The following FGD1 variants were observed in gnomAD, a reference collection of about 807,000 sequenced individuals.
The protein encoded by FGD1 is FYVE, RhoGEF and PH domain containing 1, also known as FYVE, RhoGEF and PH domain-containing protein 1.
FGD1 carries 12 observed loss-of-function variants against 65.0 expected under a neutral mutation model. The ratio of observed to expected loss-of-function variants is 0.18; its 90% CI spans 0.12 to 0.30. The LOEUF (loss-of-function observed/expected upper bound fraction) is 0.30. Among genes scored for constraint, FGD1 ranks in the 10% least tolerant of loss-of-function variants. The pLI is 1.00. For synonymous variants in FGD1, 333 were observed against 343.9 expected (o/e 0.97, Z 0.35); for missense variants, 542 against 837.6 (o/e 0.65, Z 4.36).
chrX:54,454,645 TAAAAAAAAAA>T (rs59245505), intron 12 of FGD1, among the ~76,000 whole-genome samples: 1 of 78,958 alleles, frequency 1.3e-5, no homozygotes, highest in African/African-American at 5.0e-5. Context: ...GACTCTGTCT[TAAAAAAAAAA>T]AAAAAAAAAG....
Position 54,470,354 on chromosome X carries a change from G to T in FGD1, c.763C>A (p.Gln255Lys). 1 of 1,209,885 alleles carries T rather than the reference G, an allele frequency of 8.3e-7. No homozygotes were observed. Among genetic ancestry groups the T allele is most frequent in the South Asian group, 1.8e-5 (1 of 56,561 alleles). Reference protein sequence around the residue: ...PQPTSQPPVPQLPEGEASRCL... With the variant: ...PQPTSQPPVPKLPEGEASRCL... The stretch of plus-strand genomic sequence containing the variant: ...CGGGAGGCCTCACCCTCGGGGAGCT[G>T]GGGCACTGGTGGCTGCGAGGTTGGC... The change falls in exon 4 of 18, where the codon CAG (glutamine) becomes AAG (lysine). Residue 255 changes from glutamine to lysine, a missense_variant. Transcript: ENST00000375135.
intron 6 of FGD1, among the ~76,000 whole-genome samples, chrX:54,466,761 T>TG (rs1922768097): frequency 1.8e-5 from 2 of 109,470 alleles, no homozygotes; most frequent in African/African-American, 6.6e-5. Context: ...GTTTGTTTTT[T>TG]TTTTTTTTGA....
chrX:54,446,403 G>C lies in FGD1; in HGVS notation c.2592C>G (p.Ala864=), dbSNP rs901534905. 6.6e-6 allele frequency: 8 copies of C among 1,208,081 alleles called. No individual in the cohort carries two copies. The highest frequency in any genetic ancestry group is 5.9e-5 in the East Asian group (2 of 33,708). Reference sequence around the variant, plus strand: ...AGCCAATGAGGGGCAGGCTGCGCTGGGCTTTCACATCCTGGCGGGAGGAGG... The same window carrying C: ...AGCCAATGAGGGGCAGGCTGCGCTGCGCTTTCACATCCTGGCGGGAGGAGG... ...YIYGAPQDVK[A]QRSLPLIGFE... The change falls in exon 18 of 18, where the codon GCC becomes GCG. Residue 864 remains alanine (A), a synonymous_variant. Coordinates refer to ENST00000375135, the MANE Select transcript of FGD1 (RefSeq NM_004463.3).
At chrX:54,467,480 G>A (rs1198108186) in intron 6 of FGD1, among the ~76,000 whole-genome samples, 3 of 108,747 alleles carry the variant, frequency 2.8e-5, no homozygotes, top group Admixed American at 1.0e-4. Flanking sequence ...TCAGCCTCCC[G>A]AGTAGCTGGG....
intron 4 of FGD1, 94 bp downstream of exon 4, chrX:54,469,918 CTATT>C: frequency 5.1e-6 from 4 of 781,966 alleles, no homozygotes. Context: ...AAACAAGGTC[CTATT>C]TCGAGAAATA....
At chrX:54,471,647 G>T (rs1172650033) in intron 1 of FGD1, among the ~76,000 whole-genome samples, 160 bp from the exon 2 acceptor site, 2 of 111,612 alleles carry the variant, frequency 1.8e-5, no homozygotes, top group Non-Finnish European at 3.8e-5. Context: ...CCCTATCCTA[G>T]CCCTCAGATG....
chrX:54,453,259 C>T (rs982470901), intron 12 of FGD1, among the ~76,000 whole-genome samples: 1 of 111,720 alleles, frequency 9.0e-6, no homozygotes, highest in African/African-American at 3.3e-5. Context: ...CCCCAAGCTT[C>T]AAGACTCACT....
chrX:54,481,005 G>T (rs1923130210), intron 1 of FGD1, among the ~76,000 whole-genome samples: 1 of 111,898 alleles, frequency 8.9e-6, no homozygotes, highest in Admixed American at 9.5e-5. Flanking sequence ...CTGTGGGCAA[G>T]CCAAATGAAA....
intron 8 of FGD1, among the ~76,000 whole-genome samples, chrX:54,460,038 G>A (rs1279812855): frequency 9.2e-5 from 10 of 108,752 alleles, no homozygotes; most frequent in East Asian, 2.9e-4. Flanking sequence ...AGGCCGAGGC[G>A]GGTGGATCAA....
At chrX:54,450,225 C>G (rs761734675) in intron 13 of FGD1, 46 bp downstream of exon 13, 1 of 1,149,987 alleles carries the variant, frequency 8.7e-7, no homozygotes, top group South Asian at 1.8e-5. Context: ...CCTAGGAGAC[C>G]TGTTAATACT....
chrX:54,473,083 A>G (rs932387073), intron 1 of FGD1, among the ~76,000 whole-genome samples: 1 of 111,322 alleles, frequency 9.0e-6, no homozygotes, highest in Non-Finnish European at 1.9e-5. Context: ...TGCGGCCACA[A>G]CCTCACACAC....
chrX:54,447,404 G>C lies in FGD1; in HGVS notation c.2487C>G (p.His829Gln). ...ATCCTTTGCCACCCTTCTCCATGTA[G>C]TGCAGGAAGCTGCAGATGACGCTGT... ...AENSVICSFL[H>Q]YMEKGGKGWH... The change falls in exon 17 of 18, where the codon CAC becomes CAG. Residue 829 changes from histidine to glutamine, a missense_variant. By Grantham distance (24) the His-to-Gln change is conservative. Transcript: ENST00000375135. 1 of 1,211,442 alleles carries C rather than the reference G, an allele frequency of 8.3e-7. No homozygotes were observed. The highest frequency in any genetic ancestry group is 1.1e-6 in the Non-Finnish European group (1 of 895,078).
rs2147449325 is a variant in FGD1, at chrX:54,495,868, C to T, written c.-436G>A. The T allele has an allele frequency of 8.9e-6, 1 of 111,986 alleles. No homozygotes were observed. Among genetic ancestry groups the T allele is most frequent in the South Asian group, 3.8e-4 (1 of 2,659 alleles). The allele number at this position is 111,986 out of a possible 1,213,427, so 9.2% of individuals were successfully genotyped here. Reference sequence around the variant, plus strand: ...GTCGGATCCAAGTGCGGGGTCTCTTCTTTCTCCCCGAATGGGAATAGATCT... The same window carrying T: ...GTCGGATCCAAGTGCGGGGTCTCTTTTTTCTCCCCGAATGGGAATAGATCT... On this transcript the variant is annotated 5_prime_UTR_variant, in exon 1 of 18. Transcript: ENST00000375135.
intron 12 of FGD1, among the ~76,000 whole-genome samples, chrX:54,452,266 C>CAAAAA (rs776104292): frequency 2.8e-4 from 8 of 28,820 alleles, no homozygotes; most frequent in African/African-American, 5.2e-4. Context: ...GACCCTATCT[C>CAAAAA]AAAAAAAAAA....
chrX:54,456,646 T>G, intron 8 of FGD1, 79 bp from the exon 9 acceptor site: 1 of 858,740 alleles, frequency 1.2e-6, no homozygotes, highest in Non-Finnish European at 1.6e-6. Context: ...TTGTTTTTTT[T>G]TTTTGAGACG....
At chrX:54,482,236 G>GCACACACACACACACACACACACA (rs759070309) in intron 1 of FGD1, among the ~76,000 whole-genome samples, 58 of 99,380 alleles carry the variant, frequency 5.8e-4, no homozygotes, top group African/African-American at 2.0e-3. Context: ...GCACACGCGC[G>GCACACACACACACACACACACACA]CACACACACA....
intron 12 of FGD1, among the ~76,000 whole-genome samples, chrX:54,454,645 TAAAA>T (rs59245505): frequency 6.3e-5 from 5 of 78,956 alleles, no homozygotes; most frequent in African/African-American, 2.5e-4. Flanking sequence ...GACTCTGTCT[TAAAA>T]AAAAAAAAAA....
intron 1 of FGD1, 101 bp from the exon 2 acceptor site, chrX:54,471,588 T>C (rs1047818426): frequency 1.7e-5 from 14 of 822,845 alleles, no homozygotes; most frequent in African/African-American, 1.6e-4. Flanking sequence ...ATCTGGGGTA[T>C]TGGGTTTCTC....
At chrX:54,466,769 T>TTGA (rs1569541225) in intron 6 of FGD1, among the ~76,000 whole-genome samples, 1 of 109,203 alleles carries the variant, frequency 9.2e-6, no homozygotes, top group East Asian at 2.9e-4. Context: ...TTTTTTTTTT[T>TTGA]GAGAGAGTCT....
Sources: gnomAD v4.1 joint callset for allele counts (sites outside exome capture counted in the v4.1 genomes callset) on GRCh38, gnomAD v4.1.1 for gene constraint, MANE v1.5 for transcripts, NCBI Gene and HGNC (gene_info 2026-07-23, HGNC 2026-07-21) for gene names.